ONECUT3: variants seen among roughly 807,000 people sequenced by gnomAD.
ONECUT3 encodes one cut domain family member 3.
ONECUT3 carries 11 observed loss-of-function variants against 16.8 expected under a neutral mutation model. That is an observed-to-expected ratio of 0.66 (90% CI 0.41 to 1.09). The LOEUF is 1.09. ONECUT3 is among the 50% of genes least tolerant of loss of function. The pLI, the probability that ONECUT3 is intolerant of heterozygous loss-of-function variation, is 0.00. For missense variants in ONECUT3, 637 were observed against 629.9 expected (o/e 1.01, Z -0.12); for synonymous variants, 344 against 310.7 (o/e 1.11, Z -1.13).
At chr19:1,769,857 T>A (rs1318144993) in intron 1 of ONECUT3, among the ~76,000 whole-genome samples, 1 of 152,106 alleles carries the variant, frequency 6.6e-6, no homozygotes, top group African/African-American at 2.4e-5. Flanking sequence ...GGGAAGTTTT[T>A]TCAGACTCTG....
intron 1 of ONECUT3, among the ~76,000 whole-genome samples, chr19:1,770,341 G>A (rs1361083392): frequency 6.6e-6 from 1 of 152,168 alleles, no homozygotes; most frequent in African/African-American, 2.4e-5. Context: ...GGAGGCTGAG[G>A]TGGAAGGATT....
chr19:1,775,286 G>A lies in ONECUT3; in HGVS notation c.1326G>A (p.Glu442=), dbSNP rs1181357637. The A allele has an allele frequency of 6.2e-7, 1 of 1,605,216 alleles. No homozygotes were observed. The change falls in exon 2 of 2, where the codon GAG becomes GAA. Residue 442 remains glutamate (E), a synonymous_variant. Coordinates refer to ENST00000382349, the MANE Select transcript of ONECUT3 (RefSeq NM_001080488.2). ...AGGAGAACAAGCGGCCGTCCAAGGA[G>A]ATGCAGGTCACCATCTCGCAGCAGC... ...IFKENKRPSK[E]MQVTISQQLG...
At chr19:1,774,568 G>C (rs1178692383) in intron 1 of ONECUT3, among the ~76,000 whole-genome samples, 6 of 152,344 alleles carry the variant, frequency 3.9e-5, no homozygotes, top group South Asian at 4.1e-4. Context: ...CTCATGTGCA[G>C]TTTCCATGTC....
chr19:1,756,695 ATTTTTTTTTTTTT>A (rs58105449), intron 1 of ONECUT3, among the ~76,000 whole-genome samples: 17 of 101,140 alleles, frequency 1.7e-4, no homozygotes, highest in African/African-American at 6.9e-4. Context: ...ACGCCTGGCT[ATTTTTTTTTTTTT>A]TTTTTTTTTT....
intron 1 of ONECUT3, among the ~76,000 whole-genome samples, chr19:1,771,775 G>T (rs1213934404): frequency 1.3e-5 from 2 of 151,628 alleles, no homozygotes; most frequent in Admixed American, 1.3e-4. Flanking sequence ...GACCTTCTGG[G>T]CTCAAATGAT....
At chr19:1,773,239 T>G (rs1031893846) in intron 1 of ONECUT3, among the ~76,000 whole-genome samples, 5 of 150,042 alleles carry the variant, frequency 3.3e-5, no homozygotes, top group African/African-American at 1.2e-4. Flanking sequence ...AAACCATTTT[T>G]CTCCATTGTT....
Position 1,753,590 on chromosome 19 carries a change from C to G in ONECUT3, c.-73C>G, listed in dbSNP as rs112596908. 6.3e-6 allele frequency: 3 copies of G among 479,056 alleles called. No homozygotes were observed. The highest frequency in any genetic ancestry group is 8.3e-6 in the Non-Finnish European group (3 of 360,102). 29.7% of individuals were successfully genotyped at this position (479,056 alleles called of 1,614,324 possible). On this transcript the variant is annotated 5_prime_UTR_variant, in exon 1 of 2. Transcript: ENST00000382349. ...TCGCGCGCAGCCACCGGGGAGCGGG[C>G]GGGAGTCATGCAGCGGCCTTGAGCA...
intron 1 of ONECUT3, among the ~76,000 whole-genome samples, chr19:1,769,649 A>G (rs1000961526): frequency 1.3e-5 from 2 of 151,334 alleles, no homozygotes; most frequent in African/African-American, 4.9e-5. Flanking sequence ...TGGGTAGGGG[A>G]TGCACAGAGG....
rs2067908149 is a variant in ONECUT3, at chr19:1,754,845, C to T, written c.1183C>T (p.Arg395Cys). The part of the protein sequence containing the change: ...EPEFQRMSAL[R>C]LAACKRKEQE... ...AGAGTTCCAGCGCATGTCGGCGCTG[C>T]GCTTGGCAGGTAGGAGCGTGGCGCG... is the stretch of plus-strand genomic sequence containing the variant. Residue 395 changes from arginine (R) to cysteine (C), a missense_variant, in exon 1 of 2, where the codon CGC becomes TGC. By Grantham distance (180) the Arg-to-Cys change is radical. This residue lies in a region of ONECUT3 where 183 missense variants were observed against 188.3 expected (regional missense o/e 0.97). Transcript: ENST00000382349. This position sits in a 1 kb window ranked among gnomAD's most constrained non-coding sequence, Gnocchi z 7.4. 1 of 1,498,202 alleles carries T rather than the reference C, an allele frequency of 6.7e-7. No individual in the cohort carries two copies. Among genetic ancestry groups the T allele is most frequent in the African/African-American group, 1.4e-5 (1 of 69,776 alleles). The allele number at this position is 1,498,202 out of a possible 1,614,324, so 92.8% of individuals were successfully genotyped here. A position where few individuals can be genotyped will look rare whatever the true frequency, so the allele number is the denominator to read the frequency against.
chr19:1,775,454 G>T lies in ONECUT3; in HGVS notation c.*9G>T, dbSNP rs776792778. On this transcript the variant is annotated 3_prime_UTR_variant, in exon 2 of 2. Transcript: ENST00000382349. ...CTTTCTCCAAGGCCTGAGGCGCCCCGGCCCCGCGCCCTCCCTGCCTCCACG... is the reference window on the plus strand; with the variant it reads ...CTTTCTCCAAGGCCTGAGGCGCCCCTGCCCCGCGCCCTCCCTGCCTCCACG... The T allele has an allele frequency of 1.5e-5, 22 of 1,460,796 alleles. No homozygotes were observed. The highest frequency in any genetic ancestry group is 1.9e-5 in the Non-Finnish European group (21 of 1,113,202). 90.5% of individuals were successfully genotyped at this position (1,460,796 alleles called of 1,614,324 possible).
chr19:1,774,076 C>G (rs1018113352), intron 1 of ONECUT3, among the ~76,000 whole-genome samples: 12 of 152,204 alleles, frequency 7.9e-5, no homozygotes, highest in Admixed American at 3.3e-4. Context: ...CTGCACTCTC[C>G]CCTCCTCCTC....
In ONECUT3 at chr19:1,766,075, G is replaced by C. The variant is rs1393627081; in HGVS notation, c.1193-9078G>C. On this transcript the variant is annotated intron_variant, in intron 1 of 1. Coordinates refer to ENST00000382349, the MANE Select transcript of ONECUT3 (RefSeq NM_001080488.2). This position sits in a 1 kb window ranked among gnomAD's most constrained non-coding sequence, Gnocchi z 4.0. ...GATGCCGGTTTTCCCGCCCAGAACT[G>C]GAACAGCTTTCCTAACGGTCACAGG... is the stretch of plus-strand genomic sequence containing the variant. Among the ~76,000 whole-genome samples the C allele has an allele frequency of 6.6e-6, 1 of 152,232 alleles. No individual in the cohort carries two copies. The highest frequency in any genetic ancestry group is 1.5e-5 in the Non-Finnish European group (1 of 68,028).
Position 1,755,451 on chromosome 19 carries a change from C to G in ONECUT3, c.1192+597C>G, listed in dbSNP as rs905750282. ...CGGCCCCGCGATCGATACCCCCTCC[C>G]TCTCCCCTCCGGCCGCTGGCAAAGG... On this transcript the variant is annotated intron_variant, in intron 1 of 1. Transcript: ENST00000382349. The surrounding 1 kb of genome is among the most constrained non-coding windows in gnomAD (Gnocchi z 7.5). Among the ~76,000 whole-genome samples the G allele has an allele frequency of 6.6e-6, 1 of 152,132 alleles. No individual in the cohort carries two copies. Among genetic ancestry groups the G allele is most frequent in the Non-Finnish European group, 1.5e-5 (1 of 67,994 alleles).
rs1358966507 is a variant in ONECUT3 at position 1,780,366 on chromosome 19, C to CCT, written c.*4924_*4925dup. 9 of 152,300 alleles carry CCT rather than the reference C, an allele frequency of 5.9e-5. No homozygotes were observed. The highest frequency in any genetic ancestry group is 5.2e-4 in the Admixed American group (8 of 15,278). The allele number at this position is 152,300 out of a possible 1,614,324, so 9.4% of individuals were successfully genotyped here. A position where few individuals can be genotyped will look rare whatever the true frequency, so the allele number is the denominator to read the frequency against. ...GGGGGCTCTGGGACAATGTCCTCTG[C>CCT]CTCTGACTCCTCTTGTGCCATGAGG... On this transcript the variant is annotated 3_prime_UTR_variant, in exon 2 of 2. Coordinates refer to ENST00000382349, the MANE Select transcript of ONECUT3 (RefSeq NM_001080488.2).
Position 1,756,169 on chromosome 19 carries a change from C to A in ONECUT3, c.1192+1315C>A, listed in dbSNP as rs570013105. Among the ~76,000 whole-genome samples, 3 of 152,246 alleles carry A rather than the reference C, an allele frequency of 2.0e-5. No individual in the cohort carries two copies. The East Asian group carries it at 5.8e-4, about 29-fold the overall frequency. On this transcript the variant is annotated intron_variant, in intron 1 of 1. Coordinates refer to ENST00000382349, the MANE Select transcript of ONECUT3 (RefSeq NM_001080488.2). Reference sequence around the variant, plus strand: ...TCCTGTGCTGTTCCTCCCTAGAAAGCCATTCCCTCCCTCCACCCCAGGAGG... The same window carrying A: ...TCCTGTGCTGTTCCTCCCTAGAAAGACATTCCCTCCCTCCACCCCAGGAGG...
chr19:1,763,919 G>A (rs919087636), intron 1 of ONECUT3, among the ~76,000 whole-genome samples: 3 of 151,946 alleles, frequency 2.0e-5, no homozygotes, highest in African/African-American at 7.3e-5. Context: ...GTTTCCAATC[G>A]TTCGCGGTCA....
At position 1,758,078 on chromosome 19, in the gene ONECUT3, G is replaced by A. The variant is rs907610864; in HGVS notation, c.1192+3224G>A. Among the ~76,000 whole-genome samples, 8 of 152,114 alleles carry A rather than the reference G, an allele frequency of 5.3e-5. No homozygotes were observed. Among genetic ancestry groups the A allele is most frequent in the Non-Finnish European group, 1.2e-4 (8 of 68,016 alleles). ...GGTGCCGAGTGTCCTGCCGGGCGCC[G>A]GGGCCAGGACAGAGACGGGGACAGG... On this transcript the variant is annotated intron_variant, in intron 1 of 1. Coordinates refer to ENST00000382349, the MANE Select transcript of ONECUT3 (RefSeq NM_001080488.2). This position sits in a 1 kb window ranked among gnomAD's most constrained non-coding sequence, Gnocchi z 5.9.
rs144913062 is a variant in ONECUT3, at chr19:1,755,986, C to T, written c.1192+1132C>T. On this transcript the variant is annotated intron_variant, in intron 1 of 1. Coordinates refer to ENST00000382349, the MANE Select transcript of ONECUT3 (RefSeq NM_001080488.2). The surrounding 1 kb of genome is among the most constrained non-coding windows in gnomAD (Gnocchi z 7.5). ...CGGGCCACAGGGACAATAGCCGCGG[C>T]GGCTGGCGCCTGATCGATCGCTTCT... 7.0e-3 allele frequency among the ~76,000 whole-genome samples: 1,072 copies of T among 152,286 alleles called. 18 individuals carry two copies. Among genetic ancestry groups the T allele is most frequent in the Admixed American group, 0.035 (533 of 15,302 alleles).
In ONECUT3 at chr19:1,759,590, G is replaced by A. The variant is rs981168227; in HGVS notation, c.1192+4736G>A. ...CCACTTTCCACTGCAAGGGGTCCAC[G>A]CCTCTTACGGACACCCCCAGAAAAA... On this transcript the variant is annotated intron_variant, in intron 1 of 1. Coordinates refer to ENST00000382349, the MANE Select transcript of ONECUT3 (RefSeq NM_001080488.2). This position sits in a 1 kb window ranked among gnomAD's most constrained non-coding sequence, Gnocchi z 4.1. Among the ~76,000 whole-genome samples the A allele has an allele frequency of 4.5e-4, 68 of 152,104 alleles. No homozygotes were observed. The highest frequency in any genetic ancestry group is 1.6e-3 in the African/African-American group (67 of 41,412).
Sources: allele counts gnomAD v4.1 joint callset (sites outside exome capture counted in the v4.1 genomes callset), GRCh38; gene constraint gnomAD v4.1.1; regional missense constraint gnomAD v4.1.1; non-coding constraint Gnocchi (gnomAD v3.1); transcripts MANE v1.5; gene names NCBI Gene and HGNC (gene_info 2026-07-23, HGNC 2026-07-21).